KDM2A: variants seen among roughly 807,000 people sequenced by gnomAD.
KDM2A encodes the protein lysine-specific demethylase 2A.
KDM2A carries 3 observed loss-of-function variants against 137.3 expected under a neutral mutation model. The observed-to-expected ratio is 0.02, with a 90% CI of 0.01 to 0.06. The LOEUF is 0.06. Among genes scored for constraint, KDM2A ranks in the 10% least tolerant of loss-of-function variants. The pLI, the probability that KDM2A is intolerant of heterozygous loss-of-function variation, is 1.00. For synonymous variants in KDM2A, 512 were observed against 541.5 expected (o/e 0.95, Z 0.76); for missense variants, 738 against 1,510.6 (o/e 0.49, Z 8.48).
chr11:67,119,288 TGGC>T lies in KDM2A; in HGVS notation c.-838_-836del, dbSNP rs1254946568. The T allele has an allele frequency of 6.4e-6, 1 of 155,724 alleles. No homozygotes were observed. Among genetic ancestry groups the T allele is most frequent in the Admixed American group, 6.5e-5 (1 of 15,274 alleles). 9.6% of individuals were successfully genotyped at this position (155,724 alleles called of 1,614,324 possible). On this transcript the variant is annotated 5_prime_UTR_variant, in exon 1 of 21. Transcript: ENST00000529006. ...ATGTGAGAGTCTGACGGGTTCAAAA[TGGC>T]GGCGGCTGCTTCAGCGGCTCCTCCT...
At chr11:67,204,577 C>T (rs907531670) in intron 5 of KDM2A, among the ~76,000 whole-genome samples, 6 of 151,500 alleles carry the variant, frequency 4.0e-5, no homozygotes, top group Non-Finnish European at 7.4e-5. Context: ...CTGCAAGCTC[C>T]GCCTCCTGGG....
intron 2 of KDM2A, among the ~76,000 whole-genome samples, chr11:67,144,297 G>A (rs921753262): frequency 6.7e-6 from 1 of 148,632 alleles, no homozygotes; most frequent in African/African-American, 2.5e-5. Context: ...TTGTTGCCCA[G>A]GCTGGAGTGC....
chr11:67,208,904 C>A (rs929696486), intron 6 of KDM2A, among the ~76,000 whole-genome samples: 2 of 151,834 alleles, frequency 1.3e-5, no homozygotes, highest in Non-Finnish European at 2.9e-5. Flanking sequence ...TGTCACGAGA[C>A]CCCCAAAAAT....
In KDM2A at chr11:67,156,415, T is replaced by C. The variant is rs61044324; in HGVS notation, c.43-23664T>C. ...CTGGCCAACATGGTGAAACCCTGTC[T>C]CTACTAAAAATACAAAAATTAGGCC... On this transcript the variant is annotated intron_variant, in intron 2 of 20. Transcript: ENST00000529006. Among the ~76,000 whole-genome samples the C allele has an allele frequency of 4.0e-3, 609 of 151,804 alleles. 4 individuals carry two copies. The highest frequency in any genetic ancestry group is 0.02 in the South Asian group (97 of 4,788).
At chr11:67,130,253 G>GTCACGGCACCTGACTTCC (rs1424345950) in intron 2 of KDM2A, among the ~76,000 whole-genome samples, 60 of 152,146 alleles carry the variant, frequency 3.9e-4, no homozygotes, top group African/African-American at 1.3e-3. Context: ...TCGAGTCTGA[G>GTCACGGCACCTGACTTCC]TCACGGCACC....
chr11:67,252,742 G>A lies in KDM2A; in HGVS notation c.2817G>A (p.Lys939=). The A allele has an allele frequency of 6.2e-7, 1 of 1,613,986 alleles. No homozygotes were observed. Residue 939 remains lysine (K), a synonymous_variant, in exon 18 of 21, where the codon AAG becomes AAA. Coordinates refer to ENST00000529006, the MANE Select transcript of KDM2A (RefSeq NM_012308.3). ...LWTKIDLSRC[K]AIVPQALSGI... ...CAAAAATTGACTTGAGTAGGTGTAAGGCCATTGTGCCCCAGGCCCTCAGTG... is the reference window on the plus strand; with the variant it reads ...CAAAAATTGACTTGAGTAGGTGTAAAGCCATTGTGCCCCAGGCCCTCAGTG...
At chr11:67,152,905 AGTGTGTGTGTGTGTGTGTGTGTGT>A (rs146532672) in intron 2 of KDM2A, among the ~76,000 whole-genome samples, 19 of 142,730 alleles carry the variant, frequency 1.3e-4, no homozygotes, top group Admixed American at 7.1e-4. Context: ...ACAGTGCCAG[AGTGTGTGTGTGTGTGTGTGTGTGT>A]GTGTGTGTGT....
Position 67,228,044 on chromosome 11 carries a change from A to G in KDM2A, c.965A>G (p.Asn322Ser), listed in dbSNP as rs1245504062. ...YNIEDRTRVP[N>S]KFRYPFYYEM... ...TATTTTATTCCTCTGTAGGTTCCAAATAAGTTTCGCTATCCATTCTACTAT... is the reference window on the plus strand; with the variant it reads ...TATTTTATTCCTCTGTAGGTTCCAAGTAAGTTTCGCTATCCATTCTACTAT... Residue 322 changes from asparagine to serine, a missense_variant, in exon 11 of 21, where the codon AAT becomes AGT. Asn to Ser is a conservative substitution (Grantham distance 46). Coordinates refer to ENST00000529006, the MANE Select transcript of KDM2A (RefSeq NM_012308.3). 6.8e-6 allele frequency: 11 copies of G among 1,612,764 alleles called. No homozygotes were observed. Among genetic ancestry groups the G allele is most frequent in the Non-Finnish European group, 8.5e-6 (10 of 1,178,928 alleles).
At chr11:67,193,233 A>G (rs916327887) in intron 5 of KDM2A, among the ~76,000 whole-genome samples, 2 of 151,162 alleles carry the variant, frequency 1.3e-5, no homozygotes, top group East Asian at 2.0e-4. Context: ...CAGGTGATCC[A>G]CCCGCCTCAG....
At chr11:67,121,694 G>C (rs1404665607) in intron 2 of KDM2A, among the ~76,000 whole-genome samples, 1 of 152,194 alleles carries the variant, frequency 6.6e-6, no homozygotes, top group Admixed American at 6.5e-5. Flanking sequence ...CGTTAGATTA[G>C]AATATAAATT....
At chr11:67,148,725 C>T (rs1414442866) in intron 2 of KDM2A, among the ~76,000 whole-genome samples, 2 of 151,974 alleles carry the variant, frequency 1.3e-5, no homozygotes, top group Non-Finnish European at 1.5e-5. Context: ...CACTTGAACC[C>T]GGGAGGTGGA....
chr11:67,228,118 C>T lies in KDM2A; in HGVS notation c.1039C>T (p.Arg347Cys). 1 of 1,613,452 alleles carries T rather than the reference C, an allele frequency of 6.2e-7. No homozygotes were observed. The highest frequency in any genetic ancestry group is 8.5e-7 in the Non-Finnish European group (1 of 1,179,500). Residue 347 changes from arginine to cysteine, a missense_variant, in exon 11 of 21, where the codon CGT becomes TGT. Arg to Cys is a radical substitution (Grantham distance 180). Coordinates refer to ENST00000529006, the MANE Select transcript of KDM2A (RefSeq NM_012308.3). ...GCGCTATGTGTACTGCATAACCAACCGTTCCCACCTAACTAAGGAATTTCA... is the reference window on the plus strand; with the variant it reads ...GCGCTATGTGTACTGCATAACCAACTGTTCCCACCTAACTAAGGAATTTCA... Reference protein sequence around the residue: ...LERYVYCITNRSHLTKEFQKE... With the variant: ...LERYVYCITNCSHLTKEFQKE...
At chr11:67,184,515 C>T (rs558894017) in intron 5 of KDM2A, among the ~76,000 whole-genome samples, 34 of 152,168 alleles carry the variant, frequency 2.2e-4, no homozygotes, top group African/African-American at 8.0e-4. Context: ...GTAATCCCAG[C>T]TACTCAGGAG....
intron 2 of KDM2A, among the ~76,000 whole-genome samples, chr11:67,132,828 G>A (rs1344020098): frequency 6.6e-6 from 1 of 152,186 alleles, no homozygotes; most frequent in Non-Finnish European, 1.5e-5. Flanking sequence ...CAAACTTACT[G>A]AACCAGAAAC....
rs375674067 is a variant in KDM2A, at chr11:67,141,701, A to G, written c.42+20343A>G. On this transcript the variant is annotated intron_variant, in intron 2 of 20. Transcript: ENST00000529006. Reference sequence around the variant, plus strand: ...AAAAAAAATATATATATATATATATATATATAAAATTCATTGTTACTAATT... The same window carrying G: ...AAAAAAAATATATATATATATATATGTATATAAAATTCATTGTTACTAATT... Among the ~76,000 whole-genome samples, 675 of 144,426 alleles carry G rather than the reference A, an allele frequency of 4.7e-3. 6 individuals carry two copies. Among genetic ancestry groups the G allele is most frequent in the Non-Finnish European group, 7.5e-3 (497 of 66,470 alleles). The allele number at this position is 144,426 out of a possible 152,430, so 94.7% of individuals were successfully genotyped here.
chr11:67,173,680 C>T (rs973985470), intron 2 of KDM2A, among the ~76,000 whole-genome samples: 13 of 152,114 alleles, frequency 8.5e-5, no homozygotes, highest in Admixed American at 3.9e-4. Context: ...TGAGCCACTG[C>T]ACTTAGCCTG....
chr11:67,154,493 C>T (rs1237824547), intron 2 of KDM2A, among the ~76,000 whole-genome samples: 1 of 152,096 alleles, frequency 6.6e-6, no homozygotes, highest in Non-Finnish European at 1.5e-5. Flanking sequence ...AGCGCAATGG[C>T]GTGATTTCAG....
At chr11:67,240,031 C>T in intron 12 of KDM2A, 1 of 1,302,580 alleles carries the variant, frequency 7.7e-7, no homozygotes, top group Non-Finnish European at 9.8e-7. Context: ...CTCGGCTCCC[C>T]CTCCTGCCAT....
intron 13 of KDM2A, among the ~76,000 whole-genome samples, chr11:67,244,198 A>G (rs1318681397): frequency 6.6e-6 from 1 of 152,200 alleles, no homozygotes; most frequent in Non-Finnish European, 1.5e-5. Context: ...GTTGTTGAGT[A>G]TTTTGTGTCA....
Sources: gnomAD v4.1 joint callset for allele counts (sites outside exome capture counted in the v4.1 genomes callset) on GRCh38, gnomAD v4.1.1 for gene constraint, MANE v1.5 for transcripts, NCBI Gene and HGNC (gene_info 2026-07-23, HGNC 2026-07-21) for gene names.